Variants in SLC25A13 observed in about 807,000 individuals in gnomAD.
SLC25A13 encodes the protein electrogenic aspartate/glutamate antiporter SLC25A13, mitochondrial.
A neutral mutation model predicts 85.5 loss-of-function variants in SLC25A13; 70 were observed. The ratio of observed to expected loss-of-function variants is 0.82; its 90% CI spans 0.68 to 1.00. The LOEUF is 1.00. Ranked by LOEUF, SLC25A13 falls within the 50% of genes least tolerant of loss-of-function variation. SLC25A13 has a pLI of 0.00. For missense variants in SLC25A13, 765 were observed against 819.8 expected (o/e 0.93, Z 0.82); for synonymous variants, 259 against 288.7 (o/e 0.90, Z 1.04).
intron 11 of SLC25A13, 120 bp downstream of exon 11, chr7:96,184,157 T>A: frequency 7.8e-7 from 1 of 1,289,484 alleles, no homozygotes. Flanking sequence ...CATGGATAAT[T>A]GAAAATCTGC....
chr7:96,274,773 C>T (rs933905925), intron 3 of SLC25A13, among the ~76,000 whole-genome samples: 28 of 152,302 alleles, frequency 1.8e-4, no homozygotes, highest in Admixed American at 6.5e-4. Flanking sequence ...GGAATCCTTT[C>T]GCCATTTCTT....
chr7:96,261,770 A>G (rs902897789), intron 3 of SLC25A13, among the ~76,000 whole-genome samples: 1 of 152,174 alleles, frequency 6.6e-6, no homozygotes, highest in African/African-American at 2.4e-5. Flanking sequence ...CATTTTAAAA[A>G]TTTACTTCCT....
At chr7:96,188,480 T>C (rs1465086746) in intron 9 of SLC25A13, among the ~76,000 whole-genome samples, 2 of 152,226 alleles carry the variant, frequency 1.3e-5, no homozygotes, top group African/African-American at 4.8e-5. Context: ...CAGAGCTCCA[T>C]GCCAGAAACT....
intron 4 of SLC25A13, among the ~76,000 whole-genome samples, chr7:96,223,679 C>T (rs1562856291): frequency 6.6e-6 from 1 of 151,824 alleles, no homozygotes; most frequent in Non-Finnish European, 1.5e-5. Flanking sequence ...TCCCGGCTAC[C>T]CGGGAGGCTG....
chr7:96,287,868 G>A lies in SLC25A13; in HGVS notation c.69+9030C>T, dbSNP rs1471722744. 2.0e-5 allele frequency among the ~76,000 whole-genome samples: 3 copies of A among 152,212 alleles called. No individual in the cohort carries two copies. The East Asian group carries it at 5.8e-4, about 29-fold the overall frequency. On this transcript the variant is annotated intron_variant, in intron 2 of 17. Transcript: ENST00000265631. ...CTTCTTTACCAGCTTAAGCTAATGAGCTACTTTCCATTTTGATAGGATCTT... is the reference window on the plus strand; with the variant it reads ...CTTCTTTACCAGCTTAAGCTAATGAACTACTTTCCATTTTGATAGGATCTT...
intron 2 of SLC25A13, among the ~76,000 whole-genome samples, chr7:96,278,735 C>T (rs1798554785): frequency 6.6e-6 from 1 of 152,022 alleles, no homozygotes; most frequent in Non-Finnish European, 1.5e-5. Context: ...TTTTTTAGCA[C>T]ACTACAAGGG....
chr7:96,166,412 T>A (rs1278483300), intron 13 of SLC25A13, among the ~76,000 whole-genome samples: 1 of 152,222 alleles, frequency 6.6e-6, no homozygotes, highest in Non-Finnish European at 1.5e-5. Context: ...TTCATGACTT[T>A]CTTTCTTAGT....
At chr7:96,238,942 T>TA in intron 3 of SLC25A13, among the ~76,000 whole-genome samples, 1 of 149,890 alleles carries the variant, frequency 6.7e-6, no homozygotes, top group East Asian at 1.9e-4. Context: ...AAGGCTTATA[T>TA]AAAAAAAGCA....
intron 5 of SLC25A13, among the ~76,000 whole-genome samples, chr7:96,202,383 A>G (rs1431338815): frequency 6.6e-6 from 1 of 152,184 alleles, no homozygotes; most frequent in Non-Finnish European, 1.5e-5. Flanking sequence ...TTGTGATTAG[A>G]GCTCTCTGTT....
At position 96,322,085 on chromosome 7, in the gene SLC25A13, T is replaced by A; in HGVS notation, c.-129A>T. ...CGGCGATACGGCCAGGCAGCGTGCGTTCCTGGCCTGCCTCCCCACGCCCTC... is the reference window on the plus strand; with the variant it reads ...CGGCGATACGGCCAGGCAGCGTGCGATCCTGGCCTGCCTCCCCACGCCCTC... On this transcript the variant is annotated 5_prime_UTR_variant, in exon 1 of 18. Coordinates refer to ENST00000265631, the MANE Select transcript of SLC25A13 (RefSeq NM_014251.3). The A allele has an allele frequency of 9.2e-6, 12 of 1,308,730 alleles. No homozygotes were observed. The highest frequency in any genetic ancestry group is 1.2e-5 in the Non-Finnish European group (11 of 948,500). The allele number at this position is 1,308,730 out of a possible 1,614,324, so 81.1% of individuals were successfully genotyped here. A position where few individuals can be genotyped will look rare whatever the true frequency, so the allele number is the denominator to read the frequency against.
chr7:96,254,384 C>G (rs555017312), intron 3 of SLC25A13, among the ~76,000 whole-genome samples: 1 of 152,332 alleles, frequency 6.6e-6, no homozygotes, highest in East Asian at 1.9e-4. Context: ...GTTCTCAGGT[C>G]TTTAGACTCA....
chr7:96,284,127 C>A (rs1224664905), intron 2 of SLC25A13, among the ~76,000 whole-genome samples: 1 of 151,518 alleles, frequency 6.6e-6, no homozygotes, highest in Non-Finnish European at 1.5e-5. Context: ...TAGAAGCACA[C>A]TGAATTATAG....
chr7:96,143,632 G>C (rs1179092831), intron 14 of SLC25A13, among the ~76,000 whole-genome samples: 2 of 152,034 alleles, frequency 1.3e-5, no homozygotes, highest in Admixed American at 6.6e-5. Context: ...CTTACTTTAG[G>C]AATGCAAAAT....
rs774001538 is a variant in SLC25A13 at position 96,131,739 on chromosome 7, T to C, written c.1591+4A>G. ...AGTAAGAGAACTCCATGGGGGACAC[T>C]CACCAGCTATGGCACCAGCTAAGAG... On this transcript the variant is annotated splice_donor_region_variant and intron_variant, in intron 15 of 17. Coordinates refer to ENST00000265631, the MANE Select transcript of SLC25A13 (RefSeq NM_014251.3). The C allele has an allele frequency of 6.2e-7, 1 of 1,613,944 alleles. No individual in the cohort carries two copies. Among genetic ancestry groups the C allele is most frequent in the South Asian group, 1.1e-5 (1 of 91,056 alleles).
chr7:96,170,584 A>C (rs1294519738), intron 12 of SLC25A13, among the ~76,000 whole-genome samples: 1 of 152,228 alleles, frequency 6.6e-6, no homozygotes, highest in South Asian at 2.1e-4. Flanking sequence ...AAGAAATTCA[A>C]TATCTAAAAA....
intron 5 of SLC25A13, among the ~76,000 whole-genome samples, chr7:96,204,972 G>C (rs1795403508): frequency 1.3e-5 from 2 of 152,164 alleles, no homozygotes; most frequent in South Asian, 4.1e-4. Context: ...GCAGTGGCCT[G>C]ATCTCAGCTC....
At chr7:96,127,523 C>T (rs1447125222) in intron 15 of SLC25A13, among the ~76,000 whole-genome samples, 3 of 152,168 alleles carry the variant, frequency 2.0e-5, no homozygotes, top group East Asian at 1.9e-4. Context: ...CTACATATTA[C>T]TAAAACAATC....
chr7:96,266,814 C>G (rs775229879), intron 3 of SLC25A13, among the ~76,000 whole-genome samples: 1 of 152,044 alleles, frequency 6.6e-6, no homozygotes, highest in African/African-American at 2.4e-5. Flanking sequence ...GGGGGTTAAT[C>G]AGACACCTTG....
At chr7:96,125,707 T>C (rs896961105) in intron 15 of SLC25A13, among the ~76,000 whole-genome samples, 7 of 151,688 alleles carry the variant, frequency 4.6e-5, no homozygotes, top group Admixed American at 4.6e-4. Flanking sequence ...AAATTTTCTC[T>C]CCTTTTCTAT....
Sources: gnomAD v4.1 joint callset for allele counts (sites outside exome capture counted in the v4.1 genomes callset) on GRCh38, gnomAD v4.1.1 for gene constraint, MANE v1.5 for transcripts, NCBI Gene and HGNC (gene_info 2026-07-23, HGNC 2026-07-21) for gene names.